The following RBM27 variants were observed in gnomAD, a reference collection of about 807,000 sequenced individuals.
RBM27 encodes RNA-binding protein 27.
RBM27 carries 22 observed loss-of-function variants against 135.3 expected under a neutral mutation model. The observed-to-expected ratio is 0.16, with a 90% confidence interval of 0.12 to 0.23. RBM27 has a LOEUF of 0.23. Ranked by LOEUF, RBM27 falls within the 10% of genes least tolerant of loss-of-function variation. RBM27 has a pLI of 1.00. For synonymous variants in RBM27, 481 were observed against 442.4 expected, an observed-to-expected ratio of 1.09 and a Z score of -1.10; for missense variants, 1,009 against 1,281.0, an observed-to-expected ratio of 0.79 and a Z score of 3.24.
intron 19 of RBM27, among the ~76,000 whole-genome samples, chr5:146,276,028 A>C (rs2126898834): frequency 6.6e-6 from 1 of 151,972 alleles, no homozygotes; most frequent in South Asian, 2.1e-4. Context: ...TGACCTCCCA[A>C]AATGTTGGGA....
chr5:146,242,740 C>T (rs1427066568), intron 8 of RBM27, among the ~76,000 whole-genome samples: 5 of 152,002 alleles, frequency 3.3e-5, no homozygotes, highest in Non-Finnish European at 7.4e-5. Context: ...ATTACAGGCA[C>T]ATGCCACCAA....
chr5:146,279,227 A>G (rs1172230384), intron 19 of RBM27, among the ~76,000 whole-genome samples: 2 of 151,528 alleles, frequency 1.3e-5, no homozygotes, highest in Non-Finnish European at 2.9e-5. Flanking sequence ...AGGTGGGTGG[A>G]TCACGAGGTC....
At chr5:146,245,399 T>C (rs1581190263) in intron 8 of RBM27, 1 of 152,212 alleles carries the variant, frequency 6.6e-6, no homozygotes, top group Admixed American at 6.5e-5. Context: ...TTGTAACTGC[T>C]AAGTTCGTTC....
chr5:146,232,466 C>T (rs577136291), intron 6 of RBM27, among the ~76,000 whole-genome samples: 2 of 152,288 alleles, frequency 1.3e-5, no homozygotes, highest in East Asian at 1.9e-4. Context: ...GCTACTCATA[C>T]TTCTGCATAA....
At chr5:146,275,688 C>G (rs999656300) in intron 19 of RBM27, among the ~76,000 whole-genome samples, 1 of 152,058 alleles carries the variant, frequency 6.6e-6, no homozygotes, top group African/African-American at 2.4e-5. Context: ...AAGTTTAATT[C>G]AGAAGCTGAA....
intron 2 of RBM27, among the ~76,000 whole-genome samples, chr5:146,220,759 A>C (rs1438647264): frequency 6.6e-6 from 1 of 152,156 alleles, no homozygotes; most frequent in African/African-American, 2.4e-5. Flanking sequence ...ATTCCTCCCC[A>C]GTACAGATGT....
chr5:146,203,745 C>A lies in RBM27; in HGVS notation c.-21C>A, dbSNP rs778482780. ...GGCAGGCCTGAAGAAGAGCGGCGGC[C>A]GAGCCCGCCTTCCCTGCACCATGCT... On this transcript the variant is annotated 5_prime_UTR_variant, in exon 1 of 21. Transcript: ENST00000265271. 9 of 1,549,042 alleles carry A rather than the reference C, an allele frequency of 5.8e-6. No individual in the cohort carries two copies. The South Asian group carries it at 8.4e-5, about 14-fold the overall frequency.
chr5:146,233,627 C>G lies in RBM27; in HGVS notation c.1028C>G (p.Pro343Arg). The G allele has an allele frequency of 6.2e-7, 1 of 1,600,676 alleles. No individual in the cohort carries two copies. The highest frequency in any genetic ancestry group is 8.5e-7 in the Non-Finnish European group (1 of 1,172,188). ...MPPMPGPGPG[P>R]GPGPGPGPGP... ...CCAATGCCAGGTCCAGGCCCAGGCC[C>G]GGGCCCAGGTCCAGGCCCAGGCCCG... The change falls in exon 7 of 21, where the codon CCG (proline) becomes CGG (arginine). Residue 343 changes from proline (P) to arginine (R), a missense_variant. Transcript: ENST00000265271.
chr5:146,205,792 G>A (rs1391196133), intron 1 of RBM27, among the ~76,000 whole-genome samples: 3 of 152,154 alleles, frequency 2.0e-5, no homozygotes, highest in South Asian at 4.1e-4. Flanking sequence ...GGGCCTAGGC[G>A]GGCGGATCAT....
At chr5:146,241,866 C>T (rs1025026798) in intron 8 of RBM27, among the ~76,000 whole-genome samples, 2 of 152,098 alleles carry the variant, frequency 1.3e-5, no homozygotes, top group Non-Finnish European at 2.9e-5. Context: ...ATGAAAATAT[C>T]TAATACTTTA....
intron 10 of RBM27, among the ~76,000 whole-genome samples, chr5:146,256,476 A>G (rs993946373): frequency 5.3e-5 from 8 of 151,356 alleles, no homozygotes; most frequent in African/African-American, 1.7e-4. Flanking sequence ...CAGCCTCCTG[A>G]GTAGCTGGGA....
intron 1 of RBM27, among the ~76,000 whole-genome samples, chr5:146,217,670 G>T (rs1325178057): frequency 1.3e-5 from 2 of 151,806 alleles, no homozygotes; most frequent in East Asian, 3.9e-4. Context: ...AGATTAGTTA[G>T]ATTTGAATAG....
At chr5:146,236,995 A>G (rs934718634) in intron 7 of RBM27, among the ~76,000 whole-genome samples, 7 of 129,972 alleles carry the variant, frequency 5.4e-5, no homozygotes, top group East Asian at 4.6e-4. Flanking sequence ...CTGGAGTGCA[A>G]TGGTGCGATC....
In RBM27 at chr5:146,251,841, T is replaced by G; in HGVS notation, c.1410T>G (p.His470Gln). The change falls in exon 9 of 21, where the codon CAT (histidine) becomes CAG (glutamine). Residue 470 changes from histidine to glutamine, a missense_variant. This residue lies in a region of RBM27 where 329 missense variants were observed against 368.1 expected (regional missense o/e 0.89). Transcript: ENST00000265271. Reference protein sequence around the residue: ...RNLMGSSIGYHTSVSSPTPLV... With the variant: ...RNLMGSSIGYQTSVSSPTPLV... Reference sequence around the variant, plus strand: ...TCATGGGATCCTCCATTGGATACCATACCTCAGTCTCCAGCCCTACCCCTC... The same window carrying G: ...TCATGGGATCCTCCATTGGATACCAGACCTCAGTCTCCAGCCCTACCCCTC... 6.2e-7 allele frequency: 1 copy of G among 1,614,150 alleles called. No individual in the cohort carries two copies. The highest frequency in any genetic ancestry group is 1.7e-5 in the Admixed American group (1 of 60,016).
intron 9 of RBM27, among the ~76,000 whole-genome samples, chr5:146,254,304 A>G (rs1758015929): frequency 6.6e-6 from 1 of 152,218 alleles, no homozygotes; most frequent in Admixed American, 6.5e-5. Context: ...TTTTAAAATT[A>G]GAAAAAAAAG....
intron 1 of RBM27, among the ~76,000 whole-genome samples, chr5:146,210,998 A>G (rs1375605539): frequency 6.7e-6 from 1 of 149,938 alleles, no homozygotes; most frequent in Non-Finnish European, 1.5e-5. Context: ...TTGGCTGGGC[A>G]TTGTGGGCTC....
chr5:146,257,131 G>C (rs1327277543), intron 10 of RBM27, among the ~76,000 whole-genome samples: 1 of 152,190 alleles, frequency 6.6e-6, no homozygotes, highest in Non-Finnish European at 1.5e-5. Flanking sequence ...AACGTTAAGT[G>C]AATGAATCTT....
intron 5 of RBM27, 63 bp downstream of exon 5, chr5:146,229,973 G>A: frequency 6.4e-7 from 1 of 1,568,828 alleles, no homozygotes; most frequent in South Asian, 1.1e-5. Flanking sequence ...TCACAGGGGT[G>A]CAAGAAATTC....
At chr5:146,255,195 A>C (rs1758054333) in intron 10 of RBM27, 103 bp downstream of exon 10, 1 of 992,966 alleles carries the variant, frequency 1.0e-6, no homozygotes, top group Non-Finnish European at 1.4e-6. Context: ...TTAAGGTCCA[A>C]ATTACTTATA....
Sources: gnomAD v4.1 joint callset for allele counts (sites outside exome capture counted in the v4.1 genomes callset) on GRCh38, gnomAD v4.1.1 for gene constraint, gnomAD v4.1.1 regional missense constraint, MANE v1.5 for transcripts, NCBI Gene and HGNC (gene_info 2026-07-23, HGNC 2026-07-21) for gene names.